PALM: variants seen among roughly 807,000 people sequenced by gnomAD.
The protein encoded by PALM is paralemmin.
A neutral mutation model predicts 30.7 loss-of-function variants in PALM; 18 were observed. The ratio of observed to expected loss-of-function variants is 0.59; its 90% CI spans 0.41 to 0.87. PALM has a LOEUF of 0.87. Ranked by LOEUF, PALM falls within the 40% of genes least tolerant of loss-of-function variation. PALM has a pLI of 0.00. For synonymous variants in PALM, 286 were observed against 242.8 expected (o/e 1.18, Z -1.66); for missense variants, 529 against 555.4 (o/e 0.95, Z 0.48).
At chr19:740,327 T>C in intron 7 of PALM, 25 bp from the exon 8 acceptor site, 2 of 1,547,088 alleles carry the variant, frequency 1.3e-6, no homozygotes, top group Non-Finnish European at 8.7e-7. Flanking sequence ...CAGGCCGTGG[T>C]GTAACCCCGT....
intron 7 of PALM, 99 bp from the exon 8 acceptor site, chr19:740,253 T>A (rs2033146878): frequency 1.6e-6 from 2 of 1,258,284 alleles, no homozygotes; most frequent in African/African-American, 1.5e-5. Flanking sequence ...GCTGCTTGGC[T>A]CTGCGCTGCT....
rs1340101463 is a variant in PALM, at chr19:712,597, A to G, written c.5+3446A>G. ...ACAGGGTTTCACAGTGTTAGCCAGG[A>G]TGGTCTCAATCTCCTGACCTTGTGA... On this transcript the variant is annotated intron_variant, in intron 1 of 8. Coordinates refer to ENST00000338448, the MANE Select transcript of PALM (RefSeq NM_002579.3). 2.5e-4 allele frequency among the ~76,000 whole-genome samples: 37 copies of G among 149,812 alleles called. 1 individual carries two copies. In the South Asian group the frequency reaches 5.1e-3, roughly 20 times the overall value.
chr19:712,959 A>C (rs2032133202), intron 1 of PALM, among the ~76,000 whole-genome samples: 1 of 152,160 alleles, frequency 6.6e-6, no homozygotes, highest in Admixed American at 6.5e-5. Flanking sequence ...TACAGGTGTG[A>C]GGCACCGTGC....
At chr19:725,525 C>T (rs920075466) in intron 1 of PALM, among the ~76,000 whole-genome samples, 1 of 152,166 alleles carries the variant, frequency 6.6e-6, no homozygotes. Flanking sequence ...CCTGCCACTG[C>T]ACTCCAGCCT....
At chr19:724,000 G>C (rs1192125188) in intron 1 of PALM, among the ~76,000 whole-genome samples, 1 of 152,028 alleles carries the variant, frequency 6.6e-6, no homozygotes, top group Non-Finnish European at 1.5e-5. Flanking sequence ...TCTTCTAGCA[G>C]GTGGGAGGGG....
At chr19:719,031 C>T in intron 1 of PALM, 1 of 628,010 alleles carries the variant, frequency 1.6e-6, no homozygotes, top group Non-Finnish European at 2.0e-6. Flanking sequence ...CCGCGTGACT[C>T]CCCCACCCCC....
At chr19:741,610 C>T (rs1250360154) in intron 8 of PALM, among the ~76,000 whole-genome samples, 1 of 151,870 alleles carries the variant, frequency 6.6e-6, no homozygotes, top group Middle Eastern at 3.2e-3. Flanking sequence ...AGGAGCTGGG[C>T]TCACGCAGGG....
At chr19:719,726 T>A in intron 1 of PALM, 1 of 718,992 alleles carries the variant, frequency 1.4e-6, no homozygotes, top group Non-Finnish European at 1.7e-6. Context: ...GGTCCCAGCC[T>A]CGCCGATCAC....
chr19:736,706 G>A (rs760971769), intron 7 of PALM, among the ~76,000 whole-genome samples: 7 of 152,196 alleles, frequency 4.6e-5, no homozygotes, highest in Non-Finnish European at 8.8e-5. Flanking sequence ...ATGAGAAATC[G>A]TCGCAGTGGG....
chr19:716,018 G>T (rs1474034469), intron 1 of PALM, among the ~76,000 whole-genome samples: 1 of 152,086 alleles, frequency 6.6e-6, no homozygotes, highest in Non-Finnish European at 1.5e-5. Flanking sequence ...CCCGCCCCAG[G>T]GTTTCAAGCA....
At chr19:713,498 G>A (rs2032152117) in intron 1 of PALM, among the ~76,000 whole-genome samples, 1 of 152,216 alleles carries the variant, frequency 6.6e-6, no homozygotes, top group African/African-American at 2.4e-5. Context: ...GCACCACCCA[G>A]TGGGGGCATC....
At chr19:740,302 G>A in intron 7 of PALM, 50 bp from the exon 8 acceptor site, 1 of 1,506,730 alleles carries the variant, frequency 6.6e-7, no homozygotes, top group Non-Finnish European at 8.9e-7. Flanking sequence ...CCCGGCGGGG[G>A]GGTGCGGGGG....
intron 7 of PALM, among the ~76,000 whole-genome samples, chr19:738,302 A>G (rs2033082446): frequency 6.6e-6 from 1 of 152,046 alleles, no homozygotes; most frequent in African/African-American, 2.4e-5. Context: ...CGAGGGGGGC[A>G]GATCATGAGG....
intron 1 of PALM, among the ~76,000 whole-genome samples, chr19:721,930 A>AT (rs2032496111): frequency 6.9e-6 from 1 of 143,892 alleles, no homozygotes; most frequent in Non-Finnish European, 1.5e-5. Context: ...TTTAATATAT[A>AT]TTTTTTGAGA....
chr19:725,334 G>A (rs931545667), intron 1 of PALM, among the ~76,000 whole-genome samples: 6 of 150,830 alleles, frequency 4.0e-5, no homozygotes, highest in South Asian at 2.1e-4. Flanking sequence ...CAAGGCGGGC[G>A]GATCACCTGA....
intron 1 of PALM, among the ~76,000 whole-genome samples, chr19:710,795 A>G (rs933215449): frequency 6.6e-6 from 1 of 152,178 alleles, no homozygotes; most frequent in Admixed American, 6.5e-5. Flanking sequence ...TTGGGGATGC[A>G]GACATGGGAC....
chr19:718,495 C>T (rs531715806), intron 1 of PALM, among the ~76,000 whole-genome samples: 3 of 152,274 alleles, frequency 2.0e-5, no homozygotes, highest in South Asian at 2.1e-4. Flanking sequence ...GGGAAGGCCC[C>T]GTTCACGCCT....
At chr19:717,119 G>C (rs1042638914) in intron 1 of PALM, among the ~76,000 whole-genome samples, 1 of 152,094 alleles carries the variant, frequency 6.6e-6, no homozygotes, top group African/African-American at 2.4e-5. Flanking sequence ...TAGTAGAGAC[G>C]GGGTTTCACC....
At chr19:715,397 G>A (rs1038363944) in intron 1 of PALM, among the ~76,000 whole-genome samples, 28 of 152,034 alleles carry the variant, frequency 1.8e-4, no homozygotes, top group Non-Finnish European at 2.8e-4. Context: ...CACCATCCTC[G>A]TGCTGTGCGG....
Sources: allele counts gnomAD v4.1 joint callset (sites outside exome capture counted in the v4.1 genomes callset), GRCh38; gene constraint gnomAD v4.1.1; transcripts MANE v1.5; gene names NCBI Gene and HGNC (gene_info 2026-07-23, HGNC 2026-07-21).